PARD3: variants seen among roughly 807,000 people sequenced by gnomAD.
PARD3 encodes partitioning defective 3 homolog.
PARD3 carries 75 observed loss-of-function variants against 155.4 expected under a neutral mutation model. That is an observed-to-expected ratio of 0.48 (90% CI 0.40 to 0.58). The LOEUF (loss-of-function observed/expected upper bound fraction) is 0.58, where lower values mean the gene tolerates loss of function less well. PARD3 is among the 20% of genes least tolerant of loss of function. The probability of loss-of-function intolerance (pLI) is 0.00; values close to 1 mark genes in which losing one functional copy is unlikely to be tolerated. For synonymous variants in PARD3, 576 were observed against 610.5 expected (o/e 0.94, Z 0.83); for missense variants, 1,642 against 1,721.7 (o/e 0.95, Z 0.82).
intron 24 of PARD3, among the ~76,000 whole-genome samples, chr10:34,114,220 C>T (rs1182627234): frequency 3.3e-5 from 5 of 152,020 alleles, no homozygotes; most frequent in African/African-American, 1.2e-4. Flanking sequence ...CGTGATTGCA[C>T]CACTGCACTG....
At chr10:34,207,837 G>C (rs570754071) in intron 22 of PARD3, among the ~76,000 whole-genome samples, 9 of 152,074 alleles carry the variant, frequency 5.9e-5, no homozygotes, top group Non-Finnish European at 8.8e-5. Flanking sequence ...GAACAACATC[G>C]AGGCTTTGTT....
At position 34,814,964 on chromosome 10, in the gene PARD3, C is replaced by T. The variant is rs1189556396; in HGVS notation, c.32G>A (p.Arg11Gln). 4 of 1,556,110 alleles carry T rather than the reference C, an allele frequency of 2.6e-6. 1 individual carries two copies. The South Asian group carries it at 4.7e-5, about 18-fold the overall frequency. MKVTVCFGRT[R>Q]VVVPCGDGHM... The stretch of plus-strand genomic sequence containing the variant: ...GCCGTCCCCGCACGGCACGACCACC[C>T]GGGTCCGTCCGAAGCACACGGTCAC... Residue 11 changes from arginine (R) to glutamine (Q), a missense_variant, in exon 1 of 25, where the codon CGG becomes CAG. By Grantham distance (43) the Arg-to-Gln change is conservative (BLOSUM62 1). This residue lies in a region of PARD3 where 75 missense variants were observed against 65.3 expected (regional missense o/e 1.15). Transcript: ENST00000374788.
intron 2 of PARD3, among the ~76,000 whole-genome samples, chr10:34,679,783 TC>T (rs1483936098): frequency 6.6e-6 from 1 of 152,126 alleles, no homozygotes; most frequent in Non-Finnish European, 1.5e-5. Flanking sequence ...ATAAGACAAG[TC>T]GTCTGTGCAG....
intron 2 of PARD3, among the ~76,000 whole-genome samples, chr10:34,606,965 T>TAAAAAA (rs531578595): frequency 1.7e-5 from 2 of 114,822 alleles, no homozygotes; most frequent in African/African-American, 3.3e-5. Flanking sequence ...GACTCTGTCT[T>TAAAAAA]AAAAAAAAAA....
chr10:34,768,284 A>G (rs1838376416), intron 1 of PARD3, among the ~76,000 whole-genome samples: 1 of 151,992 alleles, frequency 6.6e-6, no homozygotes, highest in South Asian at 2.1e-4. Flanking sequence ...GGTTTTATAC[A>G]TTTTAGGGAG....
intron 1 of PARD3, among the ~76,000 whole-genome samples, chr10:34,736,658 AT>A (rs1564563670): frequency 2.7e-4 from 22 of 80,756 alleles, no homozygotes; most frequent in East Asian, 1.4e-3. Context: ...TAATTAATTT[AT>A]TTATTTATTT....
chr10:34,517,726 C>A (rs2081877820), intron 2 of PARD3, among the ~76,000 whole-genome samples: 1 of 151,634 alleles, frequency 6.6e-6, no homozygotes, highest in Non-Finnish European at 1.5e-5. Context: ...ACACACACAC[C>A]AAGAATGAAC....
chr10:34,429,553 AGTTTTGTTTTGTTTTGTTTTGTTTT>A (rs58220151), intron 5 of PARD3, among the ~76,000 whole-genome samples: 9 of 145,238 alleles, frequency 6.2e-5, no homozygotes, highest in African/African-American at 1.8e-4. Flanking sequence ...ACTCTAACTC[AGTTTTGTTTTGTTTTGTTTTGTTTT>A]GTTTTGTTTT....
At chr10:34,223,639 C>T (rs1397779418) in intron 22 of PARD3, among the ~76,000 whole-genome samples, 3 of 152,234 alleles carry the variant, frequency 2.0e-5, no homozygotes, top group African/African-American at 7.2e-5. Context: ...ATATGAGCTA[C>T]AGACTGCTAC....
chr10:34,607,666 C>T (rs1427295765), intron 2 of PARD3, among the ~76,000 whole-genome samples: 1 of 152,152 alleles, frequency 6.6e-6, no homozygotes, highest in Non-Finnish European at 1.5e-5. Context: ...CTATAAGATA[C>T]TTCTGTTTGC....
At chr10:34,714,771 C>CA (rs202148515) in intron 1 of PARD3, among the ~76,000 whole-genome samples, 6 of 125,282 alleles carry the variant, frequency 4.8e-5, no homozygotes, top group South Asian at 2.8e-4. Context: ...GAACACACAT[C>CA]AAAATTTTTT....
intron 22 of PARD3, among the ~76,000 whole-genome samples, chr10:34,240,881 CCAAA>C (rs1383259437): frequency 2.0e-5 from 3 of 152,090 alleles, no homozygotes; most frequent in Non-Finnish European, 4.4e-5. Flanking sequence ...GCGTGCACCA[CCAAA>C]CAAAGAGACG....
chr10:34,595,613 G>A (rs1233312560), intron 2 of PARD3, among the ~76,000 whole-genome samples: 1 of 152,140 alleles, frequency 6.6e-6, no homozygotes, highest in African/African-American at 2.4e-5. Context: ...GAAGAAGGGT[G>A]TCTGGTACTA....
intron 7 of PARD3, among the ~76,000 whole-genome samples, chr10:34,386,214 G>A (rs974700784): frequency 1.3e-5 from 2 of 152,096 alleles, no homozygotes; most frequent in African/African-American, 4.8e-5. Flanking sequence ...GCACCTACTA[G>A]TGTATGAGTC....
At chr10:34,147,273 A>C (rs1948559348) in intron 22 of PARD3, among the ~76,000 whole-genome samples, 1 of 152,184 alleles carries the variant, frequency 6.6e-6, no homozygotes, top group South Asian at 2.1e-4. Flanking sequence ...ATTTGGAAAC[A>C]TATTGGCTAA....
intron 5 of PARD3, among the ~76,000 whole-genome samples, chr10:34,421,709 G>A (rs1846204727): frequency 6.6e-6 from 1 of 152,046 alleles, no homozygotes; most frequent in African/African-American, 2.4e-5. Flanking sequence ...TGCCATCCCA[G>A]GTGCTTAAAA....
chr10:34,684,820 C>CACACACACACACACAT (rs2093919930), intron 2 of PARD3, among the ~76,000 whole-genome samples: 1 of 125,574 alleles, frequency 8.0e-6, no homozygotes, highest in Non-Finnish European at 1.6e-5. Flanking sequence ...CACACACACA[C>CACACACACACACACAT]ACACACACAC....
At chr10:34,377,887 T>C in intron 10 of PARD3, 80 bp downstream of exon 10, 5 of 1,140,218 alleles carry the variant, frequency 4.4e-6, no homozygotes, top group Non-Finnish European at 6.0e-6. Flanking sequence ...TCATATTTTA[T>C]GAAAATGTTT....
intron 2 of PARD3, among the ~76,000 whole-genome samples, chr10:34,631,105 G>A (rs2092249089): frequency 6.6e-6 from 1 of 152,086 alleles, no homozygotes; most frequent in Non-Finnish European, 1.5e-5. Context: ...ATGAGCTACT[G>A]TGCCCAGCCT....
Sources: gnomAD v4.1 joint callset for allele counts (sites outside exome capture counted in the v4.1 genomes callset) on GRCh38, gnomAD v4.1.1 for gene constraint, gnomAD v4.1.1 regional missense constraint, MANE v1.5 for transcripts, NCBI Gene and HGNC (gene_info 2026-07-23, HGNC 2026-07-21) for gene names.